SRGAP3: variants seen among roughly 807,000 people sequenced by gnomAD.
The protein encoded by SRGAP3 is SLIT-ROBO Rho GTPase-activating protein 3.
Under a neutral mutation model 121.1 loss-of-function variants are expected in SRGAP3, and 39 were observed. The ratio of observed to expected loss-of-function variants is 0.32; its 90% CI spans 0.25 to 0.42. The LOEUF is 0.42. Among genes scored for constraint, SRGAP3 ranks in the 10% least tolerant of loss-of-function variants. SRGAP3 has a pLI of 1.00. For missense variants in SRGAP3, 1,213 were observed against 1,470.6 expected (o/e 0.82, Z 2.86); for synonymous variants, 601 against 570.0 (o/e 1.05, Z -0.77).
At chr3:9,319,434 C>A (rs1342608370) in intron 3 of SRGAP3, among the ~76,000 whole-genome samples, 2 of 151,818 alleles carry the variant, frequency 1.3e-5, no homozygotes, top group Non-Finnish European at 2.9e-5. Context: ...GAAATCAGTC[C>A]TCAACTGACA....
chr3:9,319,332 G>C lies in SRGAP3; in HGVS notation n.442+6678C>G, dbSNP rs375807440. The stretch of plus-strand genomic sequence containing the variant: ...CAGAGGGAGGCCTGTCAGTGCAGAA[G>C]GTATGACCCAGAATACTCATCAGGG... On this transcript the variant is annotated intron_variant and non_coding_transcript_variant, in intron 3 of 3. Coordinates refer to the SRGAP3 transcript ENST00000490889. Among the ~76,000 whole-genome samples the C allele has an allele frequency of 1.3e-4, 19 of 151,960 alleles. 1 individual carries two copies. The East Asian group carries it at 2.3e-3, about 18-fold the overall frequency.
intron 1 of SRGAP3, among the ~76,000 whole-genome samples, chr3:9,338,178 T>C (rs191892945): frequency 6.6e-5 from 10 of 152,252 alleles, no homozygotes; most frequent in Non-Finnish European, 1.2e-4. Flanking sequence ...TCTGAAGTGA[T>C]AGAGGCTTGC....
At chr3:9,158,868 G>T (rs191511337) in intron 1 of SRGAP3, among the ~76,000 whole-genome samples, 249 of 152,282 alleles carry the variant, frequency 1.6e-3, no homozygotes, top group African/African-American at 5.9e-3. Flanking sequence ...GGCCTCAGCT[G>T]CCTGCAGGAA....
chr3:9,138,604 T>C (rs1020820289), intron 1 of SRGAP3, among the ~76,000 whole-genome samples: 2 of 152,190 alleles, frequency 1.3e-5, no homozygotes, highest in African/African-American at 4.8e-5. Context: ...CCTGTATATA[T>C]ACAGATTGAA....
chr3:9,217,048 G>C (rs1307161657), intron 1 of SRGAP3: 1 of 152,152 alleles, frequency 6.6e-6, no homozygotes, highest in Non-Finnish European at 1.5e-5. Context: ...TGCAGTTCCA[G>C]TCCTACAAGA....
At chr3:9,270,897 C>G (rs774582394) in intron 3 of SRGAP3, among the ~76,000 whole-genome samples, 1 of 152,038 alleles carries the variant, frequency 6.6e-6, no homozygotes, top group Non-Finnish European at 1.5e-5. Context: ...TACCAATAAC[C>G]GCTGAAGACA....
chr3:9,124,760 G>T lies in SRGAP3; in HGVS notation c.225C>A (p.Ser75=), dbSNP rs1360709954. 1 of 1,614,164 alleles carries T rather than the reference G, an allele frequency of 6.2e-7. No homozygotes were observed. Among genetic ancestry groups the T allele is most frequent in the Non-Finnish European group, 8.5e-7 (1 of 1,180,050 alleles). The change falls in exon 2 of 22, where the codon TCC becomes TCA. Residue 75 remains serine (S), a synonymous_variant. Coordinates refer to ENST00000383836, the MANE Select transcript of SRGAP3 (RefSeq NM_014850.4). ...RSLEKLAERF[S]SKIRSSREHQ... is the part of the protein sequence containing the mutation. ...GCTCCCGGGAGCTGCGGATTTTGGA[G>T]GAGAAGCGCTCAGCCAGCTTCTCCA... is the stretch of plus-strand genomic sequence containing the variant.
intron 1 of SRGAP3, among the ~76,000 whole-genome samples, chr3:9,357,134 G>A (rs965012626): frequency 6.6e-6 from 1 of 151,944 alleles, no homozygotes; most frequent in Non-Finnish European, 1.5e-5. Context: ...ATGGTGGTGT[G>A]AGCCAGAGGC....
intron 4 of SRGAP3, among the ~76,000 whole-genome samples, chr3:9,077,137 C>A (rs1162783556): frequency 6.8e-6 from 1 of 146,050 alleles, no homozygotes; most frequent in Non-Finnish European, 1.5e-5. Context: ...CCCCCTCCGA[C>A]AAGCCCCAGT....
rs570342929 is a variant in SRGAP3, at chr3:9,308,622, T to C, written n.442+17388A>G. On this transcript the variant is annotated intron_variant and non_coding_transcript_variant, in intron 3 of 3. Transcript: ENST00000490889. ...GTGGAACTTACAGGCAGCAGTCTAG[T>C]TGGATATTCAGCTTGGGAACTTATG... is the stretch of plus-strand genomic sequence containing the variant. Among the ~76,000 whole-genome samples, 15 of 152,348 alleles carry C rather than the reference T, an allele frequency of 9.8e-5. No individual in the cohort carries two copies. The South Asian group carries it at 3.1e-3, about 32-fold the overall frequency.
intron 1 of SRGAP3, among the ~76,000 whole-genome samples, chr3:9,350,412 G>A (rs1171221192): frequency 6.6e-6 from 1 of 152,176 alleles, no homozygotes; most frequent in Non-Finnish European, 1.5e-5. Flanking sequence ...ATAATTTAGG[G>A]AGGGGAATGC....
At chr3:9,340,728 G>C (rs1356052287) in intron 1 of SRGAP3, among the ~76,000 whole-genome samples, 4 of 152,116 alleles carry the variant, frequency 2.6e-5, no homozygotes, top group African/African-American at 9.7e-5. Context: ...TTCTTGATGT[G>C]TACAAGAGCC....
intron 1 of SRGAP3, among the ~76,000 whole-genome samples, chr3:9,356,404 G>A (rs1309131562): frequency 2.8e-5 from 3 of 107,506 alleles, no homozygotes; most frequent in African/African-American, 3.7e-5. Flanking sequence ...ACAGAGTCCC[G>A]CTCTATCGCC....
chr3:9,159,233 C>T (rs748921207), intron 1 of SRGAP3, among the ~76,000 whole-genome samples: 2 of 152,144 alleles, frequency 1.3e-5, no homozygotes, highest in African/African-American at 2.4e-5. Context: ...TTCCCAGCCT[C>T]GGCCCATTTC....
At chr3:9,246,230 CT>C (rs1461984921) in intron 1 of SRGAP3, among the ~76,000 whole-genome samples, 5 of 152,146 alleles carry the variant, frequency 3.3e-5, no homozygotes, top group Non-Finnish European at 7.3e-5. Context: ...CAAAAGTTCC[CT>C]TCACAAAATT....
At chr3:9,177,603 AG>A (rs949162855) in intron 1 of SRGAP3, among the ~76,000 whole-genome samples, 10 of 152,292 alleles carry the variant, frequency 6.6e-5, no homozygotes, top group African/African-American at 2.4e-4. Flanking sequence ...CTCCACTGTC[AG>A]GGGCCCAAGT....
chr3:9,020,314 C>CTT (rs147699152), intron 14 of SRGAP3, among the ~76,000 whole-genome samples: 1 of 149,422 alleles, frequency 6.7e-6, no homozygotes, highest in Non-Finnish European at 1.5e-5. Flanking sequence ...GAATCTCAAC[C>CTT]TTTTTTTTTT....
rs557504233 is a variant in SRGAP3 at position 9,354,283 on chromosome 3, A to C, written n.214+8557T>G. Among the ~76,000 whole-genome samples, 14 of 152,314 alleles carry C rather than the reference A, an allele frequency of 9.2e-5. 1 individual carries two copies. Among genetic ancestry groups the C allele is most frequent in the African/African-American group, 3.4e-4 (14 of 41,576 alleles). ...AATCACCATAGAAACGAAAAGCAGAAGTGGCTAACAGTCCTTGCCTCTCTC... is the reference window on the plus strand; with the variant it reads ...AATCACCATAGAAACGAAAAGCAGACGTGGCTAACAGTCCTTGCCTCTCTC... On this transcript the variant is annotated intron_variant and non_coding_transcript_variant, in intron 1 of 3. Coordinates refer to the SRGAP3 transcript ENST00000490889.
At chr3:9,077,000 A>T (rs1160854272) in intron 4 of SRGAP3, among the ~76,000 whole-genome samples, 6 of 152,162 alleles carry the variant, frequency 3.9e-5, no homozygotes. Flanking sequence ...TCTAGGGTAC[A>T]TATGCACAAC....
Sources: allele counts gnomAD v4.1 joint callset (sites outside exome capture counted in the v4.1 genomes callset), GRCh38; gene constraint gnomAD v4.1.1; transcripts MANE v1.5; gene names NCBI Gene and HGNC (gene_info 2026-07-23, HGNC 2026-07-21).